PANK2: variants seen among roughly 807,000 people sequenced by gnomAD.
The protein encoded by PANK2 is pantothenate kinase 2.
PANK2 carries 36 observed loss-of-function variants against 43.1 expected under a neutral mutation model. That is an observed-to-expected ratio of 0.84 (90% confidence interval 0.64 to 1.10). PANK2 has a LOEUF of 1.10. Ranked by LOEUF, PANK2 falls within the 50% of genes least tolerant of loss-of-function variation. The pLI, the probability that PANK2 is intolerant of heterozygous loss-of-function variation, is 0.00. For missense variants in PANK2, 576 were observed against 593.3 expected (o/e 0.97, Z 0.30); for synonymous variants, 281 against 238.2 (o/e 1.18, Z -1.66).
At position 3,914,056 on chromosome 20, in the gene PANK2, T is replaced by C. The variant is rs560282971; in HGVS notation, c.1082+1422T>C. ...CGCCCGCCTTGGCCTCCCAAAGTGC[T>C]GGGATTACAGGCGTGAGCCACTGCG... On this transcript the variant is annotated intron_variant, in intron 4 of 6. Coordinates refer to ENST00000610179, the MANE Select transcript of PANK2 (RefSeq NM_001386393.1). 2.6e-5 allele frequency among the ~76,000 whole-genome samples: 4 copies of C among 152,196 alleles called. No homozygotes were observed. In the South Asian group the frequency reaches 8.3e-4, roughly 32 times the overall value.
At chr20:3,895,795 G>A (rs1201569931) in intron 1 of PANK2, among the ~76,000 whole-genome samples, 3 of 152,214 alleles carry the variant, frequency 2.0e-5, no homozygotes, top group East Asian at 3.9e-4. Context: ...TACATTTTGT[G>A]TGTTTATATT....
chr20:3,902,540 A>G (rs1385437314), intron 1 of PANK2, among the ~76,000 whole-genome samples: 1 of 150,098 alleles, frequency 6.7e-6, no homozygotes, highest in Non-Finnish European at 1.5e-5. Context: ...CGGCCTCCTA[A>G]AGTGCTAGGA....
intron 6 of PANK2, among the ~76,000 whole-genome samples, chr20:3,922,928 C>G (rs1459215005): frequency 1.3e-5 from 2 of 152,162 alleles, no homozygotes; most frequent in East Asian, 1.9e-4. Context: ...CAGAAACAGT[C>G]AGGTTCTGTC....
rs1568576650 is a variant in PANK2 at position 3,913,448 on chromosome 20, A to G, written c.1082+814A>G. Among the ~76,000 whole-genome samples, 3 of 151,688 alleles carry G rather than the reference A, an allele frequency of 2.0e-5. No homozygotes were observed. The South Asian group carries it at 6.2e-4, about 32-fold the overall frequency. On this transcript the variant is annotated intron_variant, in intron 4 of 6. Coordinates refer to ENST00000610179, the MANE Select transcript of PANK2 (RefSeq NM_001386393.1). ...AACCCCCACCTCCCAGGTTCAAGCA[A>G]TTCTCCTGCCTCAGCCTCCTGAGTA...
rs2090076533 is a variant in PANK2, at chr20:3,889,508, C to T, written c.78C>T (p.His26=). The change falls in exon 1 of 7, where the codon CAC becomes CAT. Residue 26 remains histidine, a synonymous_variant. Transcript: ENST00000610179. ...GGCTCGGCGCGCCCATGGAGCGCCA[C>T]GGCAGGGCTTCCGCCACCTCCGTCT... 2 of 1,449,870 alleles carry T rather than the reference C, an allele frequency of 1.4e-6. No homozygotes were observed. Among genetic ancestry groups the T allele is most frequent in the African/African-American group, 1.5e-5 (1 of 66,946 alleles). The allele number at this position is 1,449,870 out of a possible 1,614,324, so 89.8% of individuals were successfully genotyped here. A position where few individuals can be genotyped will look rare whatever the true frequency, so the allele number is the denominator to read the frequency against.
upstream of PANK2, chr20:3,889,123 AC>A (rs1351574207): frequency 1.9e-6 from 3 of 1,552,676 alleles, no homozygotes; most frequent in African/African-American, 4.1e-5. Flanking sequence ...GGGCCCTTCC[AC>A]CCACGCGTCC....
chr20:3,893,500 A>T (rs1046812009), intron 1 of PANK2, among the ~76,000 whole-genome samples: 2 of 152,278 alleles, frequency 1.3e-5, no homozygotes, highest in Middle Eastern at 3.4e-3. Context: ...CCAGGTGTTG[A>T]GCATATGTGC....
intron 6 of PANK2, among the ~76,000 whole-genome samples, chr20:3,919,275 A>C (rs1449616752): frequency 2.0e-5 from 3 of 152,190 alleles, no homozygotes; most frequent in Non-Finnish European, 4.4e-5. Context: ...AATGCAAGGT[A>C]AATTTTGGGT....
intron 1 of PANK2, among the ~76,000 whole-genome samples, chr20:3,890,684 T>C (rs979501178): frequency 6.6e-6 from 1 of 152,188 alleles, no homozygotes. Context: ...GGAGGGAAAA[T>C]GGCAAGATGT....
chr20:3,889,123 A>C, upstream of PANK2: 1 of 1,552,794 alleles, frequency 6.4e-7, no homozygotes, highest in Non-Finnish European at 8.7e-7. Flanking sequence ...GGGCCCTTCC[A>C]CCCACGCGTC....
intron 4 of PANK2, among the ~76,000 whole-genome samples, chr20:3,916,398 G>T (rs1015353405): frequency 2.0e-5 from 3 of 152,182 alleles, no homozygotes; most frequent in Non-Finnish European, 4.4e-5. Flanking sequence ...TTCCTTTTCT[G>T]ATTGGAAAAT....
At chr20:3,916,078 A>G (rs538849565) in intron 4 of PANK2, among the ~76,000 whole-genome samples, 236 of 152,364 alleles carry the variant, frequency 1.5e-3, no homozygotes, top group Non-Finnish European at 2.6e-3. Flanking sequence ...TTCTGATCCA[A>G]AAAGATGGAA....
rs557622995 is a variant in PANK2 at position 3,896,555 on chromosome 20, C to T, written c.298+6827C>T. 1.6e-3 allele frequency among the ~76,000 whole-genome samples: 243 copies of T among 152,198 alleles called. 1 individual carries two copies. Among genetic ancestry groups the T allele is most frequent in the African/African-American group, 5.6e-3 (234 of 41,524 alleles). On this transcript the variant is annotated intron_variant, in intron 1 of 6. Coordinates refer to ENST00000610179, the MANE Select transcript of PANK2 (RefSeq NM_001386393.1). ...CCTCTGGACTTAGTCATGGAAAGAACAAGACAGGATTAGAGGGTTGGGACT... is the reference window on the plus strand; with the variant it reads ...CCTCTGGACTTAGTCATGGAAAGAATAAGACAGGATTAGAGGGTTGGGACT...
chr20:3,917,953 A>G (rs1394302356), intron 5 of PANK2, among the ~76,000 whole-genome samples: 1 of 151,936 alleles, frequency 6.6e-6, no homozygotes, highest in East Asian at 1.9e-4. Context: ...AAGTTCTTTT[A>G]TATCAAATAA....
At chr20:3,907,048 G>A (rs2090398049) in intron 1 of PANK2, among the ~76,000 whole-genome samples, 1 of 148,770 alleles carries the variant, frequency 6.7e-6, no homozygotes, top group Non-Finnish European at 1.5e-5. Context: ...ACCTGCCTTA[G>A]CCTCCCCAAG....
At chr20:3,918,903 T>C in intron 6 of PANK2, 107 bp downstream of exon 6, 1 of 1,580,270 alleles carries the variant, frequency 6.3e-7, no homozygotes, top group South Asian at 1.1e-5. Context: ...CTGCAGTGTT[T>C]CTTTTGTTTT....
At chr20:3,920,531 A>T (rs920394740) in intron 6 of PANK2, among the ~76,000 whole-genome samples, 61 of 148,840 alleles carry the variant, frequency 4.1e-4, no homozygotes, top group African/African-American at 1.5e-3. Flanking sequence ...ACAAAAACAA[A>T]CAACAACAAC....
chr20:3,913,025 G>T (rs2090493823), intron 4 of PANK2, among the ~76,000 whole-genome samples: 1 of 148,388 alleles, frequency 6.7e-6, no homozygotes, highest in South Asian at 2.1e-4. Context: ...GTACTATAAA[G>T]TCAGCTGTTT....
In PANK2 at chr20:3,928,696, C is replaced by A. The variant is rs2090766216; in HGVS notation, c.*5402C>A. On this transcript the variant is annotated 3_prime_UTR_variant, in exon 7 of 7. Transcript: ENST00000610179. ...CTGGGAGGCGGAGCTTGCAGTGGGCCAAGATCGTGCCACTGCATTCCAGCC... is the reference window on the plus strand; with the variant it reads ...CTGGGAGGCGGAGCTTGCAGTGGGCAAAGATCGTGCCACTGCATTCCAGCC... 1.7e-5 allele frequency: 2 copies of A among 118,126 alleles called. No homozygotes were observed. The highest frequency in any genetic ancestry group is 5.6e-4 in the East Asian group (2 of 3,568). 7.3% of individuals were successfully genotyped at this position (118,126 alleles called of 1,614,324 possible).
Sources: allele counts gnomAD v4.1 joint callset (sites outside exome capture counted in the v4.1 genomes callset), GRCh38; gene constraint gnomAD v4.1.1; transcripts MANE v1.5; gene names NCBI Gene and HGNC (gene_info 2026-07-23, HGNC 2026-07-21).